RIN3: variants seen among roughly 807,000 people sequenced by gnomAD.
RIN3 encodes RAB5 interacting protein 3.
Under a neutral mutation model 76.3 loss-of-function variants are expected in RIN3, and 54 were observed. The ratio of observed to expected loss-of-function variants is 0.71; its 90% CI spans 0.57 to 0.89. RIN3 has a LOEUF of 0.89. RIN3 is among the 40% of genes least tolerant of loss of function. The pLI is 0.00. For synonymous variants in RIN3, 576 were observed against 564.0 expected (o/e 1.02, Z -0.30); for missense variants, 1,256 against 1,322.1 (o/e 0.95, Z 0.78).
chr14:92,633,654 G>A (rs1455450840), intron 4 of RIN3, among the ~76,000 whole-genome samples: 1 of 152,230 alleles, frequency 6.6e-6, no homozygotes, highest in Non-Finnish European at 1.5e-5. Flanking sequence ...TCAGAATTGA[G>A]CTGAATTGTT....
intron 5 of RIN3, 68 bp downstream of exon 5, chr14:92,641,397 A>AG: frequency 1.7e-6 from 2 of 1,211,038 alleles, no homozygotes; most frequent in Non-Finnish European, 1.2e-6. Context: ...GGACTGCCCC[A>AG]GGGGCCGCCT....
chr14:92,605,564 C>T (rs1885500311), intron 3 of RIN3, among the ~76,000 whole-genome samples: 1 of 152,226 alleles, frequency 6.6e-6, no homozygotes, highest in African/African-American at 2.4e-5. Context: ...AACGCTCACA[C>T]TTCATATGTT....
intron 3 of RIN3, among the ~76,000 whole-genome samples, chr14:92,612,716 G>A (rs1432621037): frequency 6.6e-6 from 1 of 152,258 alleles, no homozygotes; most frequent in Non-Finnish European, 1.5e-5. Context: ...GCAGGGGCTG[G>A]GGCCAGGGGA....
intron 4 of RIN3, among the ~76,000 whole-genome samples, chr14:92,636,042 A>C (rs1316198206): frequency 6.6e-6 from 1 of 152,210 alleles, no homozygotes; most frequent in Non-Finnish European, 1.5e-5. Context: ...GGATGGGGCA[A>C]GCCATTTAGT....
intron 1 of RIN3, among the ~76,000 whole-genome samples, chr14:92,537,500 A>G (rs1595396529): frequency 2.0e-5 from 3 of 152,270 alleles, no homozygotes; most frequent in Admixed American, 2.0e-4. Context: ...CTGTACGTAT[A>G]AGTTCCCACG....
At chr14:92,604,753 C>G (rs1885464200) in intron 3 of RIN3, among the ~76,000 whole-genome samples, 1 of 151,950 alleles carries the variant, frequency 6.6e-6, no homozygotes, top group Non-Finnish European at 1.5e-5. Context: ...ACCAAATGTT[C>G]AATCATCAAA....
chr14:92,613,550 A>G (rs190584071), intron 3 of RIN3, among the ~76,000 whole-genome samples: 3 of 152,198 alleles, frequency 2.0e-5, no homozygotes, highest in Non-Finnish European at 4.4e-5. Context: ...TGAACACAAC[A>G]TGTTGGTTCG....
Position 92,652,462 on chromosome 14 carries a change from C to A in RIN3, c.1413C>A (p.Ala471=), listed in dbSNP as rs556644003. 6.2e-7 allele frequency: 1 copy of A among 1,613,988 alleles called. No individual in the cohort carries two copies. The highest frequency in any genetic ancestry group is 2.2e-5 in the East Asian group (1 of 44,872). ...AAAAACGGATCTCTCGACAACTGGC[C>A]TCGACCCTCCCAGCTCCCTTAGAGA... The part of the protein sequence containing the change: ...PRKKRISRQL[A]STLPAPLENA... The change falls in exon 6 of 10, where the codon GCC becomes GCA. Residue 471 remains alanine (A), a synonymous_variant. Coordinates refer to ENST00000216487, the MANE Select transcript of RIN3 (RefSeq NM_024832.5). The surrounding 1 kb of genome is among the most constrained non-coding windows in gnomAD (Gnocchi z 6.4).
At chr14:92,545,582 C>CTT (rs11324822) in intron 1 of RIN3, among the ~76,000 whole-genome samples, 29 of 114,704 alleles carry the variant, frequency 2.5e-4, no homozygotes, top group South Asian at 5.8e-4. Context: ...TTTTCTTTTT[C>CTT]TTTTTTTTTT....
chr14:92,572,281 C>T (rs1046489794), intron 2 of RIN3, among the ~76,000 whole-genome samples: 4 of 152,194 alleles, frequency 2.6e-5, no homozygotes, highest in Admixed American at 6.5e-5. Flanking sequence ...TGGAGTTGTG[C>T]GCATACTCAT....
chr14:92,645,428 G>A (rs1299609511), intron 5 of RIN3, among the ~76,000 whole-genome samples: 2 of 152,176 alleles, frequency 1.3e-5, no homozygotes. Flanking sequence ...GCTATAAAAA[G>A]GAATGAAGTG....
At chr14:92,670,192 G>A (rs1287828144) in intron 7 of RIN3, among the ~76,000 whole-genome samples, 1 of 152,094 alleles carries the variant, frequency 6.6e-6, no homozygotes, top group Non-Finnish European at 1.5e-5. Context: ...CTTAAAGAGA[G>A]CTTTCCTTCT....
chr14:92,658,367 A>C (rs1887750291), intron 6 of RIN3, among the ~76,000 whole-genome samples: 2 of 152,260 alleles, frequency 1.3e-5, no homozygotes, highest in Admixed American at 1.3e-4. Flanking sequence ...CAGGCCTGGC[A>C]GTTGGCAGAG....
intron 3 of RIN3, among the ~76,000 whole-genome samples, chr14:92,588,479 G>A (rs1884861605): frequency 6.6e-6 from 1 of 151,804 alleles, no homozygotes; most frequent in Non-Finnish European, 1.5e-5. Context: ...GCCTGCCTCG[G>A]CCTCCCAAAG....
Position 92,688,182 on chromosome 14 carries a change from T to C in RIN3, c.2888T>C (p.Leu963Pro), listed in dbSNP as rs746584222. The C allele has an allele frequency of 9.0e-6, 14 of 1,558,128 alleles. No individual in the cohort carries two copies. The highest frequency in any genetic ancestry group is 9.5e-6 in the Non-Finnish European group (11 of 1,160,242). The change falls in exon 10 of 10, where the codon CTG (leucine) becomes CCG (proline). Residue 963 changes from leucine (L) to proline (P), a missense_variant. Coordinates refer to ENST00000216487, the MANE Select transcript of RIN3 (RefSeq NM_024832.5). Reference protein sequence around the residue: ...KRDFHFVYRPLDGGGGGGGGS... With the variant: ...KRDFHFVYRPPDGGGGGGGGS... ...GACTTCCACTTTGTCTACCGGCCCC[T>C]GGACGGTGGTGGCGGCGGCGGCGGC...
chr14:92,684,547 G>C (rs1044365072), intron 8 of RIN3, among the ~76,000 whole-genome samples: 11 of 152,090 alleles, frequency 7.2e-5, no homozygotes, highest in Admixed American at 3.9e-4. Context: ...ACACCATCAT[G>C]AAGTCAAAAA....
At chr14:92,561,044 A>AAATATAT (rs1555383856) in intron 2 of RIN3, among the ~76,000 whole-genome samples, 2 of 24,398 alleles carry the variant, frequency 8.2e-5, no homozygotes, top group Non-Finnish European at 1.6e-4. Context: ...AAAAAAAAAA[A>AAATATAT]ATATATATAT....
At position 92,685,130 on chromosome 14, in the gene RIN3, GCCTCCCGCT is replaced by G. The variant is rs1033650242; in HGVS notation, c.2617_2625del (p.Arg873_Ser875del). The G allele has an allele frequency of 6.2e-7, 1 of 1,612,196 alleles. No homozygotes were observed. The highest frequency in any genetic ancestry group is 1.3e-5 in the African/African-American group (1 of 74,900). On this transcript the variant is annotated inframe_deletion, in exon 9 of 10. Transcript: ENST00000216487. This position sits in a 1 kb window ranked among gnomAD's most constrained non-coding sequence, Gnocchi z 4.7. Reference sequence around the variant, plus strand: ...CCGGCGTACTCTCAACAAGGCCCGGGCCTCCCGCTCCTCCGTACAGGTGAGGCCTGAGAG... The same window carrying G: ...CCGGCGTACTCTCAACAAGGCCCGGGCCTCCGTACAGGTGAGGCCTGAGAG...
chr14:92,629,542 C>G (rs200353432), intron 4 of RIN3, among the ~76,000 whole-genome samples: 4 of 152,196 alleles, frequency 2.6e-5, no homozygotes, highest in Non-Finnish European at 5.9e-5. Context: ...ACTTGGCCTG[C>G]GCCCTATGGA....
Sources: gnomAD v4.1 joint callset for allele counts (sites outside exome capture counted in the v4.1 genomes callset) on GRCh38, gnomAD v4.1.1 for gene constraint, Gnocchi (gnomAD v3.1) non-coding constraint, MANE v1.5 for transcripts, NCBI Gene and HGNC (gene_info 2026-07-23, HGNC 2026-07-21) for gene names.